Variants in MYO1C observed in about 807,000 individuals in gnomAD.
The protein encoded by MYO1C is myosin IC, also known as unconventional myosin-Ic.
A neutral mutation model predicts 150.8 loss-of-function variants in MYO1C; 104 were observed. The ratio of observed to expected loss-of-function variants is 0.69; its 90% CI spans 0.59 to 0.81. The LOEUF is 0.81. Ranked by LOEUF, MYO1C falls within the 30% of genes least tolerant of loss-of-function variation. The probability of loss-of-function intolerance (pLI) is 0.00; values close to 1 mark genes in which losing one functional copy is unlikely to be tolerated. For synonymous variants in MYO1C, 663 were observed against 579.9 expected, an observed-to-expected ratio of 1.14 and a Z score of -2.06; for missense variants, 1,504 against 1,435.0, an observed-to-expected ratio of 1.05 and a Z score of -0.78.
At chr17:1,487,175 C>G (rs1332361316) in intron 1 of MYO1C, 1 of 152,578 alleles carries the variant, frequency 6.6e-6, no homozygotes, top group Admixed American at 6.5e-5. Context: ...CTGCCCCCAC[C>G]CGCCGCCTTC....
intron 2 of MYO1C, 73 bp downstream of exon 2, chr17:1,484,075 G>C: frequency 6.4e-7 from 1 of 1,560,276 alleles, no homozygotes; most frequent in Non-Finnish European, 8.8e-7. Context: ...GGTGACCCTT[G>C]GTGTCTCTTT....
At chr17:1,483,572 A>G in intron 3 of MYO1C, 38 bp downstream of exon 3, 2 of 1,476,870 alleles carry the variant, frequency 1.4e-6, no homozygotes, top group Non-Finnish European at 1.9e-6. Flanking sequence ...TCAGATGGAG[A>G]CAGAGGGGTC....
At chr17:1,485,638 G>T in intron 1 of MYO1C, 1 of 1,170,370 alleles carries the variant, frequency 8.5e-7, no homozygotes, top group Non-Finnish European at 1.1e-6. Context: ...GCGACGCCGC[G>T]AGGTGGGGAG....
At chr17:1,473,133 G>A (rs182287686) in intron 17 of MYO1C, among the ~76,000 whole-genome samples, 62 of 152,362 alleles carry the variant, frequency 4.1e-4, no homozygotes, top group African/African-American at 1.5e-3. Context: ...CCAGGAGGCA[G>A]AGGTTGCAGT....
chr17:1,482,196 GC>G (rs2074537073), intron 5 of MYO1C, among the ~76,000 whole-genome samples: 3 of 152,096 alleles, frequency 2.0e-5, no homozygotes, highest in African/African-American at 4.8e-5. Flanking sequence ...ACAGACATGT[GC>G]CACCCTACCC....
At chr17:1,473,198 TCAAAAACAAAAA>T (rs532580168) in intron 17 of MYO1C, among the ~76,000 whole-genome samples, 2 of 152,042 alleles carry the variant, frequency 1.3e-5, no homozygotes, top group South Asian at 4.1e-4. Context: ...AGACTCCGTC[TCAAAAACAAAAA>T]CAAAAACAAA....
Position 1,480,745 on chromosome 17 carries a change from G to A in MYO1C, c.768C>T (p.Gly256=), listed in dbSNP as rs768496612. ...GGEEETLRRL[G]LERNPQSYLY... is the part of the protein sequence containing the mutation. Reference sequence around the variant, plus strand: ...GGTAGCTCTGGGGGTTCCGTTCCAAGCCCAGCCTGCGAAGAGTCTCCTCCT... The same window carrying A: ...GGTAGCTCTGGGGGTTCCGTTCCAAACCCAGCCTGCGAAGAGTCTCCTCCT... Residue 256 remains glycine (G), a synonymous_variant, in exon 6 of 32, where the codon GGC becomes GGT. Transcript: ENST00000648651. 2.0e-5 allele frequency: 32 copies of A among 1,614,170 alleles called. 1 individual carries two copies. The South Asian group carries it at 3.5e-4, about 18-fold the overall frequency.
Position 1,478,963 on chromosome 17 carries a change from G to C in MYO1C, c.1093-228C>G, listed in dbSNP as rs776244522. ...GGCCTCCTTCCCGAGGTGGGAGTCT[G>C]GTTCTAGCCGGACTGTTACTCTCTT... On this transcript the variant is annotated intron_variant, in intron 9 of 31. Transcript: ENST00000648651. The surrounding 1 kb of genome is among the most constrained non-coding windows in gnomAD (Gnocchi z 6.3). Among the ~76,000 whole-genome samples, 28 of 152,282 alleles carry C rather than the reference G, an allele frequency of 1.8e-4. No homozygotes were observed. Among genetic ancestry groups the C allele is most frequent in the Non-Finnish European group, 4.1e-4 (28 of 68,020 alleles).
chr17:1,488,927 C>G (rs1169882238), intron 1 of MYO1C, among the ~76,000 whole-genome samples: 1 of 152,218 alleles, frequency 6.6e-6, no homozygotes, highest in Non-Finnish European at 1.5e-5. Context: ...TGCCCTTCAG[C>G]TCCTATAGGC....
intron 25 of MYO1C, 188 bp downstream of exon 25, chr17:1,469,343 G>T: frequency 1.6e-6 from 1 of 638,386 alleles, no homozygotes; most frequent in Non-Finnish European, 2.9e-6. Context: ...ACGGTAGGCG[G>T]GGTAAATACG....
chr17:1,466,894 TG>T (rs1162466581), intron 31 of MYO1C, among the ~76,000 whole-genome samples: 1 of 152,162 alleles, frequency 6.6e-6, no homozygotes, highest in Non-Finnish European at 1.5e-5. Context: ...CCCAAAGTGC[TG>T]GGATTAAAGG....
At chr17:1,472,061 G>A (rs376301946) in intron 18 of MYO1C, 37 bp from the exon 19 acceptor site, 137 of 1,608,670 alleles carry the variant, frequency 8.5e-5, no homozygotes, top group Non-Finnish European at 1.1e-4. Flanking sequence ...GCGGGCTGGC[G>A]CTGACGGCCT....
chr17:1,474,962 C>T lies in MYO1C; in HGVS notation c.1645G>A (p.Gly549Arg). ...CCGGTCACGCTGTAGGTCACCTCCC[C>T]CGCATAGTGCAGAAGGCGGAATTCC... ...RGEFRLLHYA[G>R]EVTYSVTGFL... Residue 549 changes from glycine to arginine, a missense_variant, in exon 15 of 32, where the codon GGG becomes AGG. Coordinates refer to ENST00000648651, the MANE Select transcript of MYO1C (RefSeq NM_001080779.2). The T allele has an allele frequency of 1.3e-6, 2 of 1,578,580 alleles. No homozygotes were observed. Among genetic ancestry groups the T allele is most frequent in the Non-Finnish European group, 1.7e-6 (2 of 1,161,548 alleles).
chr17:1,489,591 G>A (rs2074706555), intron 1 of MYO1C, among the ~76,000 whole-genome samples: 1 of 152,140 alleles, frequency 6.6e-6, no homozygotes, highest in Non-Finnish European at 1.5e-5. Context: ...AAGGTGGGAG[G>A]ATTGCTTGAG....
chr17:1,487,182 C>A, intron 1 of MYO1C: 1 of 152,734 alleles, frequency 6.5e-6, no homozygotes, highest in Non-Finnish European at 1.5e-5. Context: ...CACCCGCCGC[C>A]TTCCCTCGGC....
At chr17:1,468,162 C>A (rs1301858240) in intron 27 of MYO1C, 39 bp from the exon 28 acceptor site, 1 of 1,612,010 alleles carries the variant, frequency 6.2e-7, no homozygotes. Flanking sequence ...TGGGGAGAGG[C>A]TCCCAAGGCT....
Position 1,471,308 on chromosome 17 carries a change from G to A in MYO1C, c.2050C>T (p.Pro684Ser). Residue 684 changes from proline (P) to serine (S), a missense_variant, in exon 20 of 32, where the codon CCC (proline) becomes TCC (serine). Physicochemically the swap from Pro to Ser is moderately conservative, Grantham distance 74. Transcript: ENST00000648651. ...RYKSLCPETW[P>S]TWAGRPQDGV... ...TCCTGCGGCCGTCCTGCCCACGTGGGCCACGTCTCTGGGCACAGTGACTTG... is the reference window on the plus strand; with the variant it reads ...TCCTGCGGCCGTCCTGCCCACGTGGACCACGTCTCTGGGCACAGTGACTTG... The A allele has an allele frequency of 1.2e-6, 2 of 1,613,898 alleles. No homozygotes were observed. The highest frequency in any genetic ancestry group is 2.2e-5 in the East Asian group (1 of 44,872).
rs370797573 is a variant in MYO1C at position 1,478,605 on chromosome 17, C to A, written c.1212+11G>T. On this transcript the variant is annotated intron_variant, in intron 10 of 31. Transcript: ENST00000648651. This position sits in a 1 kb window ranked among gnomAD's most constrained non-coding sequence, Gnocchi z 6.3. ...CTTCTGCCTTGGGAGCAGTGTGGAC[C>A]GAGCCCTCACCTTGGAGGCCAGCGA... is the stretch of plus-strand genomic sequence containing the variant. 9.9e-6 allele frequency: 16 copies of A among 1,613,914 alleles called. No individual in the cohort carries two copies. Among genetic ancestry groups the A allele is most frequent in the Non-Finnish European group, 1.3e-5 (15 of 1,179,998 alleles).
chr17:1,483,594 G>A lies in MYO1C; in HGVS notation c.347+16C>T, dbSNP rs1432542056. On this transcript the variant is annotated intron_variant, in intron 3 of 31. Coordinates refer to ENST00000648651, the MANE Select transcript of MYO1C (RefSeq NM_001080779.2). ...GAGACAGAGGGGTCGCTCCCGGAGG[G>A]GCTGGGGTCACTCACAGGTGAGGGG... 1.3e-6 allele frequency: 2 copies of A among 1,588,296 alleles called. No individual in the cohort carries two copies. Among genetic ancestry groups the A allele is most frequent in the Admixed American group, 1.8e-5 (1 of 56,952 alleles).
Sources: allele counts gnomAD v4.1 joint callset (sites outside exome capture counted in the v4.1 genomes callset), GRCh38; gene constraint gnomAD v4.1.1; non-coding constraint Gnocchi (gnomAD v3.1); transcripts MANE v1.5; gene names NCBI Gene and HGNC (gene_info 2026-07-23, HGNC 2026-07-21).